The following PRKN variants were observed in gnomAD, a reference collection of about 807,000 sequenced individuals.
PRKN encodes parkin RBR E3 ubiquitin protein ligase.
In PRKN, 56 loss-of-function variants were observed where a neutral mutation model predicts 59.5. The ratio of observed to expected loss-of-function variants is 0.94; its 90% CI spans 0.76 to 1.18. The LOEUF is 1.18. Ranked by LOEUF, PRKN falls within the 50% of genes most tolerant of loss-of-function variation. The pLI is 0.00. For missense variants in PRKN, 657 were observed against 596.4 expected (o/e 1.10, Z -1.06); for synonymous variants, 250 against 222.1 (o/e 1.13, Z -1.12).
At chr6:162,009,761 C>A (rs1226386943) in intron 5 of PRKN, among the ~76,000 whole-genome samples, 3 of 151,430 alleles carry the variant, frequency 2.0e-5, no homozygotes, top group South Asian at 2.1e-4. Context: ...CATAGCAAAA[C>A]CCCATCTCTA....
chr6:162,237,577 T>C (rs907803987), intron 3 of PRKN, among the ~76,000 whole-genome samples: 14 of 152,112 alleles, frequency 9.2e-5, no homozygotes, highest in Admixed American at 8.5e-4. Context: ...TTGTTGAAAA[T>C]ACTTCTTGGG....
intron 1 of PRKN, among the ~76,000 whole-genome samples, chr6:162,625,559 T>A (rs1782849128): frequency 6.6e-6 from 1 of 152,130 alleles, no homozygotes; most frequent in Non-Finnish European, 1.5e-5. Context: ...ACCATCCATT[T>A]CAAATTGTAA....
At chr6:161,924,867 G>A (rs1778908855) in intron 6 of PRKN, among the ~76,000 whole-genome samples, 1 of 152,198 alleles carries the variant, frequency 6.6e-6, no homozygotes, top group Non-Finnish European at 1.5e-5. Context: ...CTATTTCAGT[G>A]AAAATGTAAA....
At chr6:161,718,000 C>T (rs1437738471) in intron 7 of PRKN, among the ~76,000 whole-genome samples, 3 of 152,104 alleles carry the variant, frequency 2.0e-5, no homozygotes, top group Non-Finnish European at 2.9e-5. Flanking sequence ...CATGGCAGAA[C>T]GTGGGGAGAA....
chr6:162,686,076 G>A (rs146439721), intron 1 of PRKN, among the ~76,000 whole-genome samples: 77 of 152,046 alleles, frequency 5.1e-4, no homozygotes, highest in Non-Finnish European at 7.9e-4. Context: ...GGGATGTGGT[G>A]GCTACAGCAA....
intron 7 of PRKN, among the ~76,000 whole-genome samples, chr6:161,605,909 A>T (rs1374212591): frequency 6.6e-6 from 1 of 152,100 alleles, no homozygotes; most frequent in Non-Finnish European, 1.5e-5. Flanking sequence ...AGAGGAGAAA[A>T]TAGGGGCTCT....
chr6:161,516,565 C>T (rs1162010988), intron 9 of PRKN, among the ~76,000 whole-genome samples: 7 of 149,606 alleles, frequency 4.7e-5, no homozygotes, highest in African/African-American at 1.5e-4. Flanking sequence ...TGGTGGCTCA[C>T]GCCTGCAATC....
chr6:161,384,023 G>C lies in PRKN; in HGVS notation c.1167+2771C>G, dbSNP rs139659206. 2.1e-3 allele frequency among the ~76,000 whole-genome samples: 323 copies of C among 152,218 alleles called. 1 individual carries two copies. The highest frequency in any genetic ancestry group is 7.2e-3 in the African/African-American group (300 of 41,542). ...AGAAGCAGGAAGAGCCTCATCTCCT[G>C]GGGGGGTCTAACTGCAGGGCTGCTT... On this transcript the variant is annotated intron_variant, in intron 10 of 11. Transcript: ENST00000366898.
At chr6:162,222,047 G>C (rs1777958997) in intron 3 of PRKN, among the ~76,000 whole-genome samples, 1 of 152,054 alleles carries the variant, frequency 6.6e-6, no homozygotes, top group African/African-American at 2.4e-5. Flanking sequence ...ATGTTTTACA[G>C]GTAAAACATT....
At chr6:161,662,205 G>A (rs115153613) in intron 7 of PRKN, among the ~76,000 whole-genome samples, 2,180 of 152,234 alleles carry the variant, frequency 0.014, 48 homozygotes, top group South Asian at 0.096. Context: ...AAAAGTGCAC[G>A]TAGAGGGGGT....
chr6:161,989,151 C>T (rs67219025), intron 5 of PRKN, among the ~76,000 whole-genome samples: 47,608 of 152,086 alleles, frequency 0.31, 8,190 homozygotes, highest in African/African-American at 0.47. Flanking sequence ...CATAATCACA[C>T]ACATCTCTTT....
rs375200742 is a variant in PRKN, at chr6:162,398,494, G to A, written c.171+44816C>T. 7.9e-5 allele frequency among the ~76,000 whole-genome samples: 12 copies of A among 152,022 alleles called. No individual in the cohort carries two copies. The South Asian group carries it at 1.0e-3, about 13-fold the overall frequency. On this transcript the variant is annotated intron_variant, in intron 2 of 11. Coordinates refer to ENST00000366898, the MANE Select transcript of PRKN (RefSeq NM_004562.3). Reference sequence around the variant, plus strand: ...AAACCTCTGCCTCCTGGGTGCAAGCGATTCTCCTGCCTCAGCCTCCCAAGT... The same window carrying A: ...AAACCTCTGCCTCCTGGGTGCAAGCAATTCTCCTGCCTCAGCCTCCCAAGT...
At chr6:162,252,880 G>A (rs1415311704) in intron 3 of PRKN, among the ~76,000 whole-genome samples, 1 of 152,224 alleles carries the variant, frequency 6.6e-6, no homozygotes, top group Admixed American at 6.5e-5. Context: ...GCTTATCAAT[G>A]AGTGAATAAA....
Position 161,892,414 on chromosome 6 carries a change from ATAAAT to A in PRKN, c.734+80883_734+80887del, listed in dbSNP as rs747739798. On this transcript the variant is annotated intron_variant, in intron 6 of 11. Coordinates refer to ENST00000366898, the MANE Select transcript of PRKN (RefSeq NM_004562.3). ...GACTCCACCTCAACCAAAAAAAAAA[ATAAAT>A]AAGATTAGTTGGGCATGGTGGTGTG... 1.3e-5 allele frequency among the ~76,000 whole-genome samples: 2 copies of A among 149,174 alleles called. 1 individual carries two copies. Among genetic ancestry groups the A allele is most frequent in the East Asian group, 3.9e-4 (2 of 5,102 alleles).
intron 7 of PRKN, among the ~76,000 whole-genome samples, chr6:161,691,587 A>G (rs527474882): frequency 3.3e-5 from 5 of 152,282 alleles, no homozygotes; most frequent in African/African-American, 1.2e-4. Context: ...CTTCTCTAAC[A>G]CATGTATTTT....
intron 1 of PRKN, among the ~76,000 whole-genome samples, chr6:162,696,638 C>T (rs1376105897): frequency 7.1e-6 from 1 of 141,794 alleles, no homozygotes; most frequent in African/African-American, 2.7e-5. Context: ...AATCTTGGCT[C>T]ACTGCACTCC....
chr6:161,827,939 C>T (rs1792318495), intron 6 of PRKN, among the ~76,000 whole-genome samples: 1 of 152,226 alleles, frequency 6.6e-6, no homozygotes, highest in African/African-American at 2.4e-5. Context: ...AGTTTACTAA[C>T]TGACTTTGCC....
At chr6:162,237,186 C>T (rs1403067688) in intron 3 of PRKN, among the ~76,000 whole-genome samples, 4 of 152,148 alleles carry the variant, frequency 2.6e-5, no homozygotes, top group Non-Finnish European at 4.4e-5. Context: ...CTTAGTCTCT[C>T]ATCACATCTC....
intron 1 of PRKN, among the ~76,000 whole-genome samples, chr6:162,553,876 C>A (rs1779439724): frequency 7.9e-6 from 1 of 126,916 alleles, no homozygotes; most frequent in African/African-American, 2.9e-5. Context: ...GAAAAGGCAG[C>A]TGAAAGAACA....
Sources: gnomAD v4.1 joint callset for allele counts (sites outside exome capture counted in the v4.1 genomes callset) on GRCh38, gnomAD v4.1.1 for gene constraint, MANE v1.5 for transcripts, NCBI Gene and HGNC (gene_info 2026-07-23, HGNC 2026-07-21) for gene names.